Variants in ARHGAP15 observed in about 807,000 individuals in gnomAD.
ARHGAP15 encodes Rho GTPase activating protein 15, also known as rho GTPase-activating protein 15.
In ARHGAP15, 51 loss-of-function variants were observed where a neutral mutation model predicts 63.7. That is an observed-to-expected ratio of 0.80 (90% confidence interval 0.64 to 1.01). ARHGAP15 has a LOEUF of 1.01. Among genes scored for constraint, ARHGAP15 ranks in the 50% least tolerant of loss-of-function variants. The probability of loss-of-function intolerance (pLI) is 0.00; values close to 1 mark genes in which losing one functional copy is unlikely to be tolerated. For missense variants in ARHGAP15, 560 were observed against 564.6 expected, an observed-to-expected ratio of 0.99 and a Z score of 0.08; for synonymous variants, 191 against 193.8, an observed-to-expected ratio of 0.99 and a Z score of 0.12.
chr2:143,524,095 G>A (rs1271114519), intron 10 of ARHGAP15, among the ~76,000 whole-genome samples: 1 of 152,084 alleles, frequency 6.6e-6, no homozygotes, highest in East Asian at 1.9e-4. Flanking sequence ...GTGCCTAAAA[G>A]CCACCCTGGG....
chr2:143,267,483 T>C (rs995856263), intron 6 of ARHGAP15, among the ~76,000 whole-genome samples: 1 of 152,182 alleles, frequency 6.6e-6, no homozygotes, highest in African/African-American at 2.4e-5. Context: ...TTTGCATCAA[T>C]AATTATTTAA....
At chr2:143,706,355 C>T (rs527618631) in intron 13 of ARHGAP15, 2 of 152,240 alleles carry the variant, frequency 1.3e-5, no homozygotes, top group South Asian at 4.2e-4. Context: ...GAAAATCTAT[C>T]GTCAACCCTT....
At chr2:143,549,098 G>A (rs1695453541) in intron 10 of ARHGAP15, among the ~76,000 whole-genome samples, 1 of 152,184 alleles carries the variant, frequency 6.6e-6, no homozygotes, top group African/African-American at 2.4e-5. Context: ...AATATTCATA[G>A]TTTAATCCCT....
chr2:143,471,031 A>G (rs749942915), intron 8 of ARHGAP15, among the ~76,000 whole-genome samples: 1 of 149,314 alleles, frequency 6.7e-6, no homozygotes, highest in East Asian at 2.0e-4. Context: ...ATATGTGTGT[A>G]TATATGCACA....
chr2:143,298,126 CAAAT>C (rs1356863722), intron 6 of ARHGAP15, among the ~76,000 whole-genome samples: 3 of 152,046 alleles, frequency 2.0e-5, no homozygotes, highest in Non-Finnish European at 4.4e-5. Flanking sequence ...ATTGCCAAAA[CAAAT>C]AGATAACTAG....
At chr2:143,568,696 A>G (rs1045335433) in intron 11 of ARHGAP15, among the ~76,000 whole-genome samples, 1 of 152,226 alleles carries the variant, frequency 6.6e-6, no homozygotes, top group African/African-American at 2.4e-5. Context: ...TCATGTTACT[A>G]TAAAGACACA....
At chr2:143,346,251 C>T (rs576621492) in intron 6 of ARHGAP15, among the ~76,000 whole-genome samples, 1 of 89,540 alleles carries the variant, frequency 1.1e-5, no homozygotes, top group Non-Finnish European at 2.3e-5. Flanking sequence ...CACACACACT[C>T]ACACACACAC....
chr2:143,685,325 C>T lies in ARHGAP15; in HGVS notation c.1139-18094C>T, dbSNP rs151248165. 1.6e-3 allele frequency among the ~76,000 whole-genome samples: 238 copies of T among 152,310 alleles called. 2 individuals carry two copies. The highest frequency in any genetic ancestry group is 5.7e-3 in the African/African-American group (235 of 41,568). On this transcript the variant is annotated intron_variant, in intron 12 of 13. Transcript: ENST00000295095. ...CTGCCTGGAAAGTCCAAGTTCAAAA[C>T]ACAGTCGAGCTATTTGCAAATCTGT...
At chr2:143,273,711 CTT>C (rs1430464794) in intron 6 of ARHGAP15, among the ~76,000 whole-genome samples, 4 of 152,050 alleles carry the variant, frequency 2.6e-5, no homozygotes, top group African/African-American at 7.2e-5. Context: ...TTATAAATCT[CTT>C]CTGCTAATCT....
intron 6 of ARHGAP15, among the ~76,000 whole-genome samples, chr2:143,339,194 G>A (rs915935964): frequency 3.9e-5 from 6 of 152,090 alleles, no homozygotes; most frequent in African/African-American, 1.4e-4. Context: ...TGACTGTAGC[G>A]GAGTGTTGGG....
intron 12 of ARHGAP15, among the ~76,000 whole-genome samples, chr2:143,657,081 TCA>T (rs1336140540): frequency 6.6e-6 from 1 of 152,168 alleles, no homozygotes; most frequent in Non-Finnish European, 1.5e-5. Flanking sequence ...GCGTGGTGGC[TCA>T]CGCCTGTAAT....
chr2:143,737,018 ATATT>A (rs1685771096), intron 13 of ARHGAP15, among the ~76,000 whole-genome samples: 1 of 152,242 alleles, frequency 6.6e-6, no homozygotes, highest in African/African-American at 2.4e-5. Context: ...AGTTTACATA[ATATT>A]TAATTAAATT....
At chr2:143,577,141 C>T (rs1696710263) in intron 11 of ARHGAP15, among the ~76,000 whole-genome samples, 2 of 152,112 alleles carry the variant, frequency 1.3e-5, no homozygotes, top group Non-Finnish European at 2.9e-5. Flanking sequence ...AAGACAAATT[C>T]TTAGGCCCTG....
intron 12 of ARHGAP15, among the ~76,000 whole-genome samples, chr2:143,678,055 C>T (rs1031780566): frequency 2.0e-5 from 3 of 152,020 alleles, no homozygotes; most frequent in African/African-American, 7.2e-5. Flanking sequence ...TATACAAAAA[C>T]ATAAGAATTA....
chr2:143,563,309 T>C (rs967124971), intron 11 of ARHGAP15, among the ~76,000 whole-genome samples: 4 of 152,208 alleles, frequency 2.6e-5, no homozygotes, highest in African/African-American at 9.6e-5. Flanking sequence ...AATAGCATGA[T>C]ACCAAATATT....
intron 6 of ARHGAP15, among the ~76,000 whole-genome samples, chr2:143,309,065 A>G (rs965735396): frequency 2.6e-5 from 4 of 151,774 alleles, no homozygotes; most frequent in Admixed American, 1.3e-4. Context: ...AGGTATTTTC[A>G]TTTTTGTAGT....
At chr2:143,509,041 A>G (rs1245891919) in intron 9 of ARHGAP15, among the ~76,000 whole-genome samples, 2 of 152,174 alleles carry the variant, frequency 1.3e-5, no homozygotes, top group African/African-American at 4.8e-5. Context: ...CCTTGATCAA[A>G]GGGTGCTACC....
intron 13 of ARHGAP15, among the ~76,000 whole-genome samples, chr2:143,717,677 G>A (rs1467384936): frequency 6.6e-6 from 1 of 152,158 alleles, no homozygotes; most frequent in Non-Finnish European, 1.5e-5. Context: ...ACATGAAAGT[G>A]TTCTTGACAT....
chr2:143,631,154 ATTAG>A (rs1217430337), intron 12 of ARHGAP15, among the ~76,000 whole-genome samples: 3 of 152,098 alleles, frequency 2.0e-5, no homozygotes, highest in African/African-American at 7.2e-5. Flanking sequence ...TCCATGTTAT[ATTAG>A]TTCATTTTTC....
Sources: allele counts gnomAD v4.1 joint callset (sites outside exome capture counted in the v4.1 genomes callset), GRCh38; gene constraint gnomAD v4.1.1; transcripts MANE v1.5; gene names NCBI Gene and HGNC (gene_info 2026-07-23, HGNC 2026-07-21).